The following DCAF11 variants were observed in gnomAD, a reference collection of about 807,000 sequenced individuals.
The protein encoded by DCAF11 is DDB1- and CUL4-associated factor 11.
A neutral mutation model predicts 76.1 loss-of-function variants in DCAF11; 44 were observed. That is an observed-to-expected ratio of 0.58 (90% CI 0.45 to 0.74). DCAF11 has a LOEUF of 0.74. Among genes scored for constraint, DCAF11 ranks in the 30% least tolerant of loss-of-function variants. The pLI is 0.00. For missense variants in DCAF11, 604 were observed against 709.4 expected, an observed-to-expected ratio of 0.85 and a Z score of 1.69; for synonymous variants, 258 against 255.0, an observed-to-expected ratio of 1.01 and a Z score of -0.11.
intron 2 of DCAF11, among the ~76,000 whole-genome samples, chr14:24,116,408 G>A (rs1007331926): frequency 5.9e-5 from 9 of 152,084 alleles, no homozygotes; most frequent in African/African-American, 1.9e-4. Flanking sequence ...TCTGGAGAAC[G>A]GGCTATTCAC....
chr14:24,115,858 C>T (rs1248381954), intron 2 of DCAF11, 109 bp downstream of exon 2: 23 of 1,396,248 alleles, frequency 1.6e-5, no homozygotes, highest in Non-Finnish European at 2.0e-5. Context: ...CTCAGGACAG[C>T]TGTTCTGTTT....
rs931453587 is a variant in DCAF11 at position 24,117,955 on chromosome 14, G to A, written c.477-100G>A. The A allele has an allele frequency of 1.0e-6, 1 of 968,662 alleles. No homozygotes were observed. Among genetic ancestry groups the A allele is most frequent in the Non-Finnish European group, 1.6e-6 (1 of 633,584 alleles). 60.0% of individuals were successfully genotyped at this position (968,662 alleles called of 1,614,324 possible). A position where few individuals can be genotyped will look rare whatever the true frequency, so the allele number is the denominator to read the frequency against. ...GATTGCACTCACAGCCAAAAGGGAA[G>A]AATGACTGTTCTGATATTCCAGCTC... On this transcript the variant is annotated intron_variant, in intron 5 of 14. Transcript: ENST00000446197. This position sits in a 1 kb window ranked among gnomAD's most constrained non-coding sequence, Gnocchi z 4.3.
At position 24,121,419 on chromosome 14, in the gene DCAF11, A is replaced by G; in HGVS notation, c.1301A>G (p.His434Arg). 1 of 1,614,216 alleles carries G rather than the reference A, an allele frequency of 6.2e-7. No individual in the cohort carries two copies. The highest frequency in any genetic ancestry group is 8.5e-7 in the Non-Finnish European group (1 of 1,180,050). Residue 434 changes from histidine (H) to arginine (R), a missense_variant, in exon 13 of 15, where the codon CAC becomes CGC. Physicochemically the swap from His to Arg is conservative, Grantham distance 29 (BLOSUM62 0). Coordinates refer to ENST00000446197, the MANE Select transcript of DCAF11 (RefSeq NM_025230.5). ...GDSSLMTYRG[H>R]GVLHTLIRCR... ...AGCTCCTTGATGACCTACCGGGGCC[A>G]CGGAGTGCTGCACACCCTCATCCGC... is the stretch of plus-strand genomic sequence containing the variant.
In DCAF11 at chr14:24,123,494, C is replaced by T. The variant is rs571288480; in HGVS notation, c.*185C>T. ...CCCATGGGGCAGAGTGGTCTCCTTACGTGCTCACACCCAGTCAGCTTGGGT... is the reference window on the plus strand; with the variant it reads ...CCCATGGGGCAGAGTGGTCTCCTTATGTGCTCACACCCAGTCAGCTTGGGT... On this transcript the variant is annotated 3_prime_UTR_variant, in exon 15 of 15. Transcript: ENST00000446197. 1.3e-5 allele frequency: 12 copies of T among 908,374 alleles called. No individual in the cohort carries two copies. The highest frequency in any genetic ancestry group is 6.1e-5 in the East Asian group (2 of 32,802). The allele number at this position is 908,374 out of a possible 1,614,324, so 56.3% of individuals were successfully genotyped here.
At chr14:24,122,901 T>C in intron 13 of DCAF11, 70 bp from the exon 14 acceptor site, 4 of 1,422,394 alleles carry the variant, frequency 2.8e-6, no homozygotes, top group Non-Finnish European at 3.9e-6. Context: ...GTGGTGCTAC[T>C]CATGGGGAGG....
chr14:24,123,498 C>T lies in DCAF11; in HGVS notation c.*189C>T, dbSNP rs902719567. The T allele has an allele frequency of 4.6e-6, 4 of 874,066 alleles. No homozygotes were observed. In the African/African-American group the frequency reaches 6.9e-5, roughly 15 times the overall value. 54.1% of individuals were successfully genotyped at this position (874,066 alleles called of 1,614,324 possible). A position where few individuals can be genotyped will look rare whatever the true frequency, so the allele number is the denominator to read the frequency against. ...TGGGGCAGAGTGGTCTCCTTACGTGCTCACACCCAGTCAGCTTGGGTCCCT... is the reference window on the plus strand; with the variant it reads ...TGGGGCAGAGTGGTCTCCTTACGTGTTCACACCCAGTCAGCTTGGGTCCCT... On this transcript the variant is annotated 3_prime_UTR_variant, in exon 15 of 15. Coordinates refer to ENST00000446197, the MANE Select transcript of DCAF11 (RefSeq NM_025230.5).
chr14:24,117,297 A>G lies in DCAF11; in HGVS notation c.315A>G (p.Glu105=), dbSNP rs2037599832. The G allele has an allele frequency of 1.2e-6, 2 of 1,614,202 alleles. No homozygotes were observed. Among genetic ancestry groups the G allele is most frequent in the Non-Finnish European group, 1.7e-6 (2 of 1,180,028 alleles). ...VDATPDTREL[E]FNEIKTQVEL... ...CTACCCCTGACACCCGGGAGCTGGA[A>G]TTCAATGAGATCAAGACACAAGTGG... Residue 105 remains glutamate (E), a synonymous_variant, in exon 4 of 15, where the codon GAA becomes GAG. Transcript: ENST00000446197. This position sits in a 1 kb window ranked among gnomAD's most constrained non-coding sequence, Gnocchi z 4.3.
chr14:24,122,042 T>G (rs1394995580), intron 13 of DCAF11: 2 of 153,342 alleles, frequency 1.3e-5, no homozygotes, highest in East Asian at 3.9e-4. Flanking sequence ...GGCACAGGCC[T>G]GTAGTCCCAG....
chr14:24,125,061 A>T lies in DCAF11; in HGVS notation c.*1752A>T, dbSNP rs1207584907. 1.3e-5 allele frequency: 2 copies of T among 152,192 alleles called. No homozygotes were observed. Among genetic ancestry groups the T allele is most frequent in the South Asian group, 2.1e-4 (1 of 4,826 alleles). 9.4% of individuals were successfully genotyped at this position (152,192 alleles called of 1,614,324 possible). ...AGCAAAACTCTGTCTCAAAAAAAAAATTAGCCAGATGTGGTGACGCATGCC... is the reference window on the plus strand; with the variant it reads ...AGCAAAACTCTGTCTCAAAAAAAAATTTAGCCAGATGTGGTGACGCATGCC... On this transcript the variant is annotated 3_prime_UTR_variant, in exon 15 of 15. Transcript: ENST00000446197.
intron 12 of DCAF11, 125 bp downstream of exon 12, chr14:24,121,116 A>G: frequency 1.4e-6 from 2 of 1,396,058 alleles, no homozygotes; most frequent in Non-Finnish European, 1.9e-6. Flanking sequence ...GAATGGCCAG[A>G]GGTTCCTAGG....
chr14:24,123,155 T>C lies in DCAF11; in HGVS notation c.1507-20T>C. 6.2e-7 allele frequency: 1 copy of C among 1,613,874 alleles called. No homozygotes were observed. The highest frequency in any genetic ancestry group is 2.2e-5 in the East Asian group (1 of 44,870). Reference sequence around the variant, plus strand: ...GTGGGGGCAGCACATCCTGACTGCTTGCCACCCTCTGCCCTGCAGTGGGAC... The same window carrying C: ...GTGGGGGCAGCACATCCTGACTGCTCGCCACCCTCTGCCCTGCAGTGGGAC... On this transcript the variant is annotated intron_variant, in intron 14 of 14. Transcript: ENST00000446197.
intron 13 of DCAF11, chr14:24,122,249 G>C (rs1407534630): frequency 6.6e-6 from 1 of 152,084 alleles, no homozygotes; most frequent in South Asian, 2.1e-4. Context: ...CTGATGTCAG[G>C]GGTTTGAGAC....
chr14:24,122,381 C>G (rs906262157), intron 13 of DCAF11, among the ~76,000 whole-genome samples: 2 of 150,658 alleles, frequency 1.3e-5, no homozygotes, highest in South Asian at 2.1e-4. Flanking sequence ...TCGCTTGAGC[C>G]CAGGAGGCTG....
rs139504177 is a variant in DCAF11 at position 24,117,380 on chromosome 14, G to C, written c.398G>C (p.Arg133Pro). The C allele has an allele frequency of 1.2e-6, 2 of 1,614,184 alleles. No individual in the cohort carries two copies. Among genetic ancestry groups the C allele is most frequent in the African/African-American group, 1.3e-5 (1 of 75,060 alleles). ...GCCGCCCAGAAGCACAGCTTTCCTC[G>C]AATGTTGCACCAGGTAGGCCTCTCC... is the stretch of plus-strand genomic sequence containing the variant. ...RRAAQKHSFP[R>P]MLHQRERGLC... The change falls in exon 4 of 15, where the codon CGA (arginine) becomes CCA (proline). Residue 133 changes from arginine (R) to proline (P), a missense_variant. Coordinates refer to ENST00000446197, the MANE Select transcript of DCAF11 (RefSeq NM_025230.5). The surrounding 1 kb of genome is among the most constrained non-coding windows in gnomAD (Gnocchi z 4.3).
intron 2 of DCAF11, among the ~76,000 whole-genome samples, chr14:24,116,452 T>G (rs529768419): frequency 2.6e-4 from 39 of 152,276 alleles, no homozygotes; most frequent in South Asian, 2.1e-3. Context: ...AGCCTGCAAC[T>G]CCTGGGCTCA....
At chr14:24,118,878 G>A in intron 8 of DCAF11, 74 bp downstream of exon 8, 1 of 1,538,088 alleles carries the variant, frequency 6.5e-7, no homozygotes, top group South Asian at 1.1e-5. Context: ...AACCTCTTGA[G>A]TTGGAAGTTC....
intron 2 of DCAF11, among the ~76,000 whole-genome samples, chr14:24,116,157 G>A (rs528724833): frequency 6.6e-6 from 1 of 152,118 alleles, no homozygotes; most frequent in African/African-American, 2.4e-5. Context: ...AGGCCACTTC[G>A]ATTTACTTGA....
chr14:24,119,789 G>T lies in DCAF11; in HGVS notation c.985G>T (p.Asp329Tyr). ...CCAAATCCTGTTCTCTGGGGGAGAT[G>T]ATGCCATCTGCAAAGTGTGGGATCG... ...SSQILFSGGD[D>Y]AICKVWDRRT... Residue 329 changes from aspartate to tyrosine, a missense_variant, in exon 11 of 15, where the codon GAT becomes TAT. Transcript: ENST00000446197. The T allele has an allele frequency of 6.2e-7, 1 of 1,614,240 alleles. No homozygotes were observed. The highest frequency in any genetic ancestry group is 8.5e-7 in the Non-Finnish European group (1 of 1,180,038).
At chr14:24,119,530 A>G in intron 9 of DCAF11, 29 bp from the exon 10 acceptor site, 1 of 1,614,140 alleles carries the variant, frequency 6.2e-7, no homozygotes, top group Non-Finnish European at 8.5e-7. Flanking sequence ...TCATGGCTCC[A>G]GGACCCTCCT....
Sources: gnomAD v4.1 joint callset for allele counts (sites outside exome capture counted in the v4.1 genomes callset) on GRCh38, gnomAD v4.1.1 for gene constraint, Gnocchi (gnomAD v3.1) non-coding constraint, MANE v1.5 for transcripts, NCBI Gene and HGNC (gene_info 2026-07-23, HGNC 2026-07-21) for gene names.